The following MIR2052HG variants were observed in gnomAD, a reference collection of about 807,000 sequenced individuals.
The protein encoded by MIR2052HG is MIR2052 host gene.
At chr8:74,705,361 C>A (rs548188333) in intron 4 of MIR2052HG, among the ~76,000 whole-genome samples, 9 of 151,988 alleles carry the variant, frequency 5.9e-5, no homozygotes, top group Middle Eastern at 6.8e-3. Context: ...ATGTACTAAC[C>A]CTTTCTCTTC....
intron 4 of MIR2052HG, among the ~76,000 whole-genome samples, chr8:74,723,500 G>T (rs1290760235): frequency 6.6e-6 from 1 of 152,034 alleles, no homozygotes; most frequent in African/African-American, 2.4e-5. Flanking sequence ...TCCTAGCTCT[G>T]TGCCTTAGGG....
At chr8:74,599,870 A>G in exon 1 of MIR2052HG, 1 of 163,798 alleles carries the variant, frequency 6.1e-6, no homozygotes, top group South Asian at 1.8e-4. Flanking sequence ...TGTGCTAGCA[A>G]TCAGCGAGAT....
At chr8:74,680,777 G>A (rs112228766) in intron 2 of MIR2052HG, among the ~76,000 whole-genome samples, 16,431 of 151,602 alleles carry the variant, frequency 0.11, 2,048 homozygotes, top group African/African-American at 0.31. Context: ...TGTTTATTGC[G>A]GCATTATTCA....
At chr8:74,745,833 A>G (rs1309929625) in intron 4 of MIR2052HG, among the ~76,000 whole-genome samples, 1 of 152,164 alleles carries the variant, frequency 6.6e-6, no homozygotes, top group Admixed American at 6.6e-5. Flanking sequence ...ACACTGAGTA[A>G]TAATCTTAGT....
At chr8:74,607,068 A>G (rs1808122423) in intron 1 of MIR2052HG, among the ~76,000 whole-genome samples, 1 of 151,982 alleles carries the variant, frequency 6.6e-6, no homozygotes, top group South Asian at 2.1e-4. Context: ...CCAACTATAT[A>G]TAGCCTATAA....
intron 2 of MIR2052HG, among the ~76,000 whole-genome samples, chr8:74,643,627 A>C (rs1171225592): frequency 6.6e-6 from 1 of 152,226 alleles, no homozygotes; most frequent in Non-Finnish European, 1.5e-5. Flanking sequence ...CTATAATCCC[A>C]GTAAATCTAA....
At chr8:74,745,662 A>G (rs539577849) in intron 4 of MIR2052HG, among the ~76,000 whole-genome samples, 1 of 152,288 alleles carries the variant, frequency 6.6e-6, no homozygotes, top group South Asian at 2.1e-4. Context: ...TAGGGAATAT[A>G]TACCTGACAC....
intron 1 of MIR2052HG, chr8:74,604,115 C>A: frequency 1.1e-6 from 1 of 914,442 alleles, no homozygotes; most frequent in Non-Finnish European, 1.8e-6. Flanking sequence ...ATAGGTGCAC[C>A]ACTCTCCTCG....
chr8:74,618,352 T>G (rs1477638207), intron 2 of MIR2052HG, among the ~76,000 whole-genome samples: 2 of 152,198 alleles, frequency 1.3e-5, no homozygotes, highest in African/African-American at 2.4e-5. Context: ...AAAAGCTCCA[T>G]GAGGAAAGGG....
chr8:74,643,637 A>C (rs1301602607), intron 2 of MIR2052HG, among the ~76,000 whole-genome samples: 2 of 152,230 alleles, frequency 1.3e-5, no homozygotes, highest in Non-Finnish European at 2.9e-5. Flanking sequence ...AGTAAATCTA[A>C]GTTGAGATAA....
rs796255019 is a variant in MIR2052HG, at chr8:74,696,838, CA to C, written n.217-5531del. Among the ~76,000 whole-genome samples the C allele has an allele frequency of 4.9e-4, 71 of 144,462 alleles. 1 individual carries two copies. The highest frequency in any genetic ancestry group is 1.5e-3 in the African/African-American group (60 of 39,504). 94.8% of individuals were successfully genotyped at this position (144,462 alleles called of 152,430 possible). ...TAAAATGGTAATTTAAAAAATGCCACAAAAAAAAAAGTCCAGGACCAGATGG... is the reference window on the plus strand; with the variant it reads ...TAAAATGGTAATTTAAAAAATGCCACAAAAAAAAAGTCCAGGACCAGATGG... On this transcript the variant is annotated intron_variant and non_coding_transcript_variant, in intron 2 of 6. Coordinates refer to ENST00000523442, the Ensembl canonical transcript of MIR2052HG.
intron 1 of MIR2052HG, chr8:74,604,301 G>C (rs796197572): frequency 9.8e-6 from 7 of 714,232 alleles, no homozygotes; most frequent in East Asian, 8.3e-5. Context: ...GGTCACTGAT[G>C]GGGGGTGAAA....
chr8:74,649,653 T>G (rs1808731938), intron 2 of MIR2052HG, among the ~76,000 whole-genome samples: 1 of 152,166 alleles, frequency 6.6e-6, no homozygotes, highest in Non-Finnish European at 1.5e-5. Flanking sequence ...AAATATTTTG[T>G]GTTTACAAAA....
intron 2 of MIR2052HG, among the ~76,000 whole-genome samples, chr8:74,699,693 G>C (rs1194090162): frequency 6.6e-6 from 1 of 151,994 alleles, no homozygotes; most frequent in Non-Finnish European, 1.5e-5. Context: ...AGTGCACACT[G>C]TTCGGGTCAC....
chr8:74,602,686 AT>A (rs914054186), intron 1 of MIR2052HG, among the ~76,000 whole-genome samples: 3 of 148,916 alleles, frequency 2.0e-5, no homozygotes, highest in Admixed American at 6.7e-5. Context: ...TAATTTTTGT[AT>A]TTTTTTTTAA....
chr8:74,699,204 T>C (rs1586917143), intron 2 of MIR2052HG, among the ~76,000 whole-genome samples: 1 of 152,002 alleles, frequency 6.6e-6, no homozygotes, highest in South Asian at 2.1e-4. Flanking sequence ...GCATGGAGAT[T>C]CCCTGAAGAA....
chr8:74,623,356 T>C (rs1268412673), intron 2 of MIR2052HG, among the ~76,000 whole-genome samples: 3 of 152,150 alleles, frequency 2.0e-5, no homozygotes, highest in Non-Finnish European at 4.4e-5. Flanking sequence ...AGGGAACATG[T>C]GCTAAGGCCC....
intron 4 of MIR2052HG, among the ~76,000 whole-genome samples, chr8:74,708,803 T>G (rs759960141): frequency 6.6e-6 from 1 of 150,674 alleles, no homozygotes. Context: ...TTAAAAAAAA[T>G]TTAAATATTT....
In MIR2052HG at chr8:74,702,315, T is replaced by C. The variant is rs868244438; in HGVS notation, n.217-64T>C. On this transcript the variant is annotated intron_variant and non_coding_transcript_variant, in intron 2 of 6. Coordinates refer to ENST00000523442, the Ensembl canonical transcript of MIR2052HG. Reference sequence around the variant, plus strand: ...GAATATGCATAGTTATATTGGATGATATCAAAAGATACAATGACCTTGATG... The same window carrying C: ...GAATATGCATAGTTATATTGGATGACATCAAAAGATACAATGACCTTGATG... 1.6e-5 allele frequency: 6 copies of C among 368,954 alleles called. No individual in the cohort carries two copies. The Middle Eastern group carries it at 1.8e-3, about 113-fold the overall frequency. 22.9% of individuals were successfully genotyped at this position (368,954 alleles called of 1,614,324 possible).
Sources: gnomAD v4.1 joint callset for allele counts (sites outside exome capture counted in the v4.1 genomes callset) on GRCh38, gnomAD v4.1.1 for gene constraint, MANE v1.5 for transcripts, NCBI Gene and HGNC (gene_info 2026-07-23, HGNC 2026-07-21) for gene names.